Variants in HS6ST3 observed in about 807,000 individuals in gnomAD.
HS6ST3 encodes heparan sulfate 6-O-sulfotransferase 3.
In HS6ST3, 12 loss-of-function variants were observed where a neutral mutation model predicts 36.7. The ratio of observed to expected loss-of-function variants is 0.33; its 90% confidence interval spans 0.21 to 0.53. HS6ST3 has a LOEUF of 0.53. Among genes scored for constraint, HS6ST3 ranks in the 20% least tolerant of loss-of-function variants. The probability of loss-of-function intolerance (pLI) is 0.95; values close to 1 mark genes in which losing one functional copy is unlikely to be tolerated. For missense variants in HS6ST3, 584 were observed against 640.9 expected (o/e 0.91, Z 0.96); for synonymous variants, 240 against 257.5 (o/e 0.93, Z 0.65).
chr13:96,195,296 A>G (rs1410650214), intron 1 of HS6ST3, among the ~76,000 whole-genome samples: 1 of 152,248 alleles, frequency 6.6e-6, no homozygotes, highest in Non-Finnish European at 1.5e-5. Flanking sequence ...AGCAATGAAT[A>G]ACAGAGAAAA....
intron 1 of HS6ST3, among the ~76,000 whole-genome samples, chr13:96,787,554 T>C (rs1877681270): frequency 1.3e-5 from 2 of 152,142 alleles, no homozygotes. Flanking sequence ...GTTATATGCT[T>C]ATTTTCATCT....
At chr13:96,535,429 A>G (rs1437170101) in intron 1 of HS6ST3, among the ~76,000 whole-genome samples, 1 of 151,794 alleles carries the variant, frequency 6.6e-6, no homozygotes, top group African/African-American at 2.4e-5. Flanking sequence ...ATGGTGGCAC[A>G]TGCCTGTAGT....
At chr13:96,374,443 A>G (rs1214349151) in intron 1 of HS6ST3, among the ~76,000 whole-genome samples, 8 of 152,064 alleles carry the variant, frequency 5.3e-5, no homozygotes, top group African/African-American at 1.9e-4. Context: ...CTGTGATTTC[A>G]TCAGATTTCT....
intron 1 of HS6ST3, among the ~76,000 whole-genome samples, chr13:96,630,339 G>A (rs543990909): frequency 1.3e-5 from 2 of 152,048 alleles, no homozygotes; most frequent in African/African-American, 2.4e-5. Flanking sequence ...CCTCCAGAGA[G>A]GATTTCCCAC....
rs1183437653 is a variant in HS6ST3 at position 96,139,649 on chromosome 13, TGAA to T, written c.707+48083_707+48085del. ...ATAATTCATGGTGAAGTGTACATCA[TGAA>T]GAGATGAAGAGTAATTTTTCTTCAT... On this transcript the variant is annotated intron_variant, in intron 1 of 1. Transcript: ENST00000376705. 3.3e-5 allele frequency among the ~76,000 whole-genome samples: 5 copies of T among 151,396 alleles called. No homozygotes were observed. The South Asian group carries it at 6.2e-4, about 19-fold the overall frequency.
rs181654936 is a variant in HS6ST3 at position 96,516,258 on chromosome 13, G to T, written c.708-316232G>T. 2.0e-3 allele frequency among the ~76,000 whole-genome samples: 301 copies of T among 151,982 alleles called. 1 individual carries two copies. The highest frequency in any genetic ancestry group is 6.7e-3 in the African/African-American group (278 of 41,454). On this transcript the variant is annotated intron_variant, in intron 1 of 1. Coordinates refer to ENST00000376705, the MANE Select transcript of HS6ST3 (RefSeq NM_153456.4). ...TTTCTGTATTTTTAGTAGAGATGGG[G>T]TTTCACCATGTTGGCCAGGCTGGTC...
chr13:96,822,484 G>A (rs1462444913), intron 1 of HS6ST3, among the ~76,000 whole-genome samples: 2 of 152,218 alleles, frequency 1.3e-5, no homozygotes, highest in Admixed American at 1.3e-4. Flanking sequence ...TTGGGGGAAA[G>A]TGAAAGCAAA....
At chr13:96,170,471 T>C (rs1282064549) in intron 1 of HS6ST3, among the ~76,000 whole-genome samples, 1 of 152,248 alleles carries the variant, frequency 6.6e-6, no homozygotes, top group Non-Finnish European at 1.5e-5. Flanking sequence ...AAATAAGTCA[T>C]TTCATGTGAT....
intron 1 of HS6ST3, among the ~76,000 whole-genome samples, chr13:96,152,316 C>CTTTTTTTTTTTTTTTTT (rs766489670): frequency 2.1e-5 from 2 of 97,054 alleles, no homozygotes; most frequent in African/African-American, 7.8e-5. Context: ...GGCCCCTTTC[C>CTTTTTTTTTTTTTTTTT]TTTTTTTTTT....
At chr13:96,412,316 C>T (rs1450851355) in intron 1 of HS6ST3, among the ~76,000 whole-genome samples, 1 of 152,082 alleles carries the variant, frequency 6.6e-6, no homozygotes, top group Non-Finnish European at 1.5e-5. Flanking sequence ...CCTGATATTT[C>T]TAAGAGGAGA....
intron 1 of HS6ST3, among the ~76,000 whole-genome samples, chr13:96,194,385 G>C (rs557849300): frequency 6.6e-6 from 1 of 152,174 alleles, no homozygotes; most frequent in Non-Finnish European, 1.5e-5. Flanking sequence ...TAAATTCAGG[G>C]AAGTATGGAG....
At chr13:96,465,562 A>T (rs967630144) in intron 1 of HS6ST3, among the ~76,000 whole-genome samples, 2 of 152,166 alleles carry the variant, frequency 1.3e-5, no homozygotes, top group African/African-American at 4.8e-5. Flanking sequence ...TAAGGATGCA[A>T]CCCACAGGTG....
intron 1 of HS6ST3, among the ~76,000 whole-genome samples, chr13:96,472,700 C>T (rs768764858): frequency 2.0e-4 from 30 of 152,052 alleles, no homozygotes; most frequent in Non-Finnish European, 3.5e-4. Context: ...GAATCTAACA[C>T]AGCACCTGGC....
At chr13:96,781,274 A>G (rs1877520698) in intron 1 of HS6ST3, among the ~76,000 whole-genome samples, 1 of 152,202 alleles carries the variant, frequency 6.6e-6, no homozygotes, top group African/African-American at 2.4e-5. Flanking sequence ...AGGGAAAGGC[A>G]CTACACGTCT....
chr13:96,342,555 A>T (rs1422719902), intron 1 of HS6ST3, among the ~76,000 whole-genome samples: 1 of 152,172 alleles, frequency 6.6e-6, no homozygotes, highest in African/African-American at 2.4e-5. Context: ...CATCCTATCA[A>T]TTGTGTTTTA....
intron 1 of HS6ST3, among the ~76,000 whole-genome samples, chr13:96,135,791 T>C (rs902671287): frequency 6.6e-5 from 10 of 152,156 alleles, no homozygotes; most frequent in African/African-American, 1.7e-4. Context: ...TAGAGTTTTA[T>C]TGAGGACTTA....
In HS6ST3 at chr13:96,832,607, C is replaced by T; in HGVS notation, c.825C>T (p.Ser275=). 2 of 1,614,100 alleles carry T rather than the reference C, an allele frequency of 1.2e-6. No homozygotes were observed. Among genetic ancestry groups the T allele is most frequent in the Non-Finnish European group, 8.5e-7 (1 of 1,179,994 alleles). Residue 275 remains serine (S), a synonymous_variant, in exon 2 of 2, where the codon AGC becomes AGT. Coordinates refer to ENST00000376705, the MANE Select transcript of HS6ST3 (RefSeq NM_153456.4). ...KTSLHMCDGR[S]PTPDELPTCY... is the part of the protein sequence containing the mutation. Reference sequence around the variant, plus strand: ...CTCTTCATATGTGTGATGGAAGAAGCCCCACCCCAGATGAGCTGCCTACCT... The same window carrying T: ...CTCTTCATATGTGTGATGGAAGAAGTCCCACCCCAGATGAGCTGCCTACCT...
intron 1 of HS6ST3, among the ~76,000 whole-genome samples, chr13:96,241,260 A>C (rs936735885): frequency 2.6e-5 from 4 of 152,188 alleles, no homozygotes; most frequent in African/African-American, 7.2e-5. Flanking sequence ...CAAGAGTTTA[A>C]AGAATTGAGT....
intron 1 of HS6ST3, among the ~76,000 whole-genome samples, chr13:96,788,975 T>C (rs1877718047): frequency 6.6e-6 from 1 of 151,848 alleles, no homozygotes; most frequent in Admixed American, 6.6e-5. Flanking sequence ...TCTGTCAATC[T>C]TTTTCTTCTA....
Sources: gnomAD v4.1 joint callset for allele counts (sites outside exome capture counted in the v4.1 genomes callset) on GRCh38, gnomAD v4.1.1 for gene constraint, MANE v1.5 for transcripts, NCBI Gene and HGNC (gene_info 2026-07-23, HGNC 2026-07-21) for gene names.